Variants in AP3D1 observed in about 807,000 individuals in gnomAD.
AP3D1 encodes adaptor related protein complex 3 subunit delta 1.
A neutral mutation model predicts 147.6 loss-of-function variants in AP3D1; 51 were observed. The ratio of observed to expected loss-of-function variants is 0.35; its 90% CI spans 0.28 to 0.44. The LOEUF (loss-of-function observed/expected upper bound fraction) is 0.44, where lower values mean the gene tolerates loss of function less well. Among genes scored for constraint, AP3D1 ranks in the 20% least tolerant of loss-of-function variants. AP3D1 has a pLI of 1.00. For missense variants in AP3D1, 1,421 were observed against 1,624.2 expected, an observed-to-expected ratio of 0.87 and a Z score of 2.15; for synonymous variants, 760 against 663.0, an observed-to-expected ratio of 1.15 and a Z score of -2.25.
Position 2,120,876 on chromosome 19 carries a change from G to A in AP3D1, c.1467C>T (p.Cys489=), listed in dbSNP as rs1421947129. The change falls in exon 14 of 32, where the codon TGC becomes TGT. Residue 489 remains cysteine (C), a synonymous_variant. Coordinates refer to ENST00000643116, the MANE Select transcript of AP3D1 (RefSeq NM_001261826.3). The part of the protein sequence containing the change: ...CEVLYAAAWI[C]GEFSEHLQEP... ...CGCCCACTCACTCTGAGAACTCCCC[G>A]CAGATCCAGGCGGCAGCGTACAGCA... 6.2e-7 allele frequency: 1 copy of A among 1,608,868 alleles called. No individual in the cohort carries two copies. Among genetic ancestry groups the A allele is most frequent in the Non-Finnish European group, 8.5e-7 (1 of 1,179,562 alleles).
chr19:2,150,612 G>A (rs372610191), intron 1 of AP3D1, among the ~76,000 whole-genome samples: 1 of 152,146 alleles, frequency 6.6e-6, no homozygotes, highest in African/African-American at 2.4e-5. Flanking sequence ...TCCTGGGAAC[G>A]GGGGCACTGG....
rs772314249 is a variant in AP3D1 at position 2,111,246 on chromosome 19, G to A, written c.2985+39C>T. 5.0e-6 allele frequency: 8 copies of A among 1,612,304 alleles called. No homozygotes were observed. The African/African-American group carries it at 9.3e-5, about 19-fold the overall frequency. Reference sequence around the variant, plus strand: ...GCGCGATCCCATGCCAAAGAGTGTGGGCTGGCCCACCCTGCCCCTGGGAGC... The same window carrying A: ...GCGCGATCCCATGCCAAAGAGTGTGAGCTGGCCCACCCTGCCCCTGGGAGC... On this transcript the variant is annotated intron_variant, in intron 26 of 31. Transcript: ENST00000643116.
chr19:2,155,206 A>C (rs1185532674), upstream of AP3D1, among the ~76,000 whole-genome samples: 1 of 151,184 alleles, frequency 6.6e-6, no homozygotes, highest in Non-Finnish European at 1.5e-5. Flanking sequence ...AAATAAAAAA[A>C]CAAAATTAGC....
At chr19:2,105,551 T>C (rs576769776) in intron 31 of AP3D1, among the ~76,000 whole-genome samples, 17 of 152,334 alleles carry the variant, frequency 1.1e-4, no homozygotes, top group African/African-American at 2.4e-4. Flanking sequence ...TTAATATCTA[T>C]AGAAACAATG....
rs1358968476 is a variant in AP3D1 at position 2,132,563 on chromosome 19, T to C, written c.370A>G (p.Ser124Gly). 1.9e-6 allele frequency: 3 copies of C among 1,605,974 alleles called. No individual in the cohort carries two copies. The Admixed American group carries it at 5.0e-5, about 27-fold the overall frequency. The change falls in exon 5 of 32, where the codon AGC becomes GGC. Residue 124 changes from serine (S) to glycine (G), a missense_variant. This residue lies in a region of AP3D1 where 292 missense variants were observed against 412.0 expected (regional missense o/e 0.71). Coordinates refer to ENST00000643116, the MANE Select transcript of AP3D1 (RefSeq NM_001261826.3). ...NQIRKDLSSP[S>G]QYDTGVALTG... ...AGTGCAACACCTGTGTCGTACTGGC[T>C]GGGGCTGCTCAAGTCCTGGAAAGTG...
chr19:2,109,751 C>G, intron 29 of AP3D1, 122 bp downstream of exon 29: 1 of 937,120 alleles, frequency 1.1e-6, no homozygotes, highest in Non-Finnish European at 1.7e-6. Flanking sequence ...CACGAGCCAG[C>G]GCCTCCAAAT....
chr19:2,121,958 C>A, intron 11 of AP3D1, 79 bp from the exon 12 acceptor site: 1 of 1,481,682 alleles, frequency 6.7e-7, no homozygotes, highest in Non-Finnish European at 9.0e-7. Flanking sequence ...GCTCTCCGGG[C>A]CGGGTCTCCA....
chr19:2,102,772 T>C (rs979687962), intron 31 of AP3D1, among the ~76,000 whole-genome samples: 13 of 113,992 alleles, frequency 1.1e-4, no homozygotes, highest in African/African-American at 4.2e-4. Flanking sequence ...AATAAATAAA[T>C]AAATAAATAA....
chr19:2,121,977 G>T, intron 11 of AP3D1, 98 bp from the exon 12 acceptor site: 1 of 1,417,240 alleles, frequency 7.1e-7, no homozygotes, highest in Non-Finnish European at 9.4e-7. Context: ...CACCTCGGGA[G>T]GCTGCCTGGC....
chr19:2,132,672 A>G, intron 4 of AP3D1, 94 bp from the exon 5 acceptor site: 1 of 999,148 alleles, frequency 1.0e-6, no homozygotes. Context: ...AAATTCTCCC[A>G]GGATGCCCCA....
At chr19:2,114,066 G>A in intron 22 of AP3D1, 59 bp downstream of exon 22, 2 of 1,520,516 alleles carry the variant, frequency 1.3e-6, no homozygotes, top group South Asian at 1.3e-5. Context: ...GCTGTCTCCT[G>A]GGAGTTCACG....
In AP3D1 at chr19:2,115,602, G is replaced by A; in HGVS notation, c.2085C>T (p.Asp695=). The A allele has an allele frequency of 6.2e-7, 1 of 1,612,588 alleles. No individual in the cohort carries two copies. Among genetic ancestry groups the A allele is most frequent in the African/African-American group, 1.3e-5 (1 of 75,044 alleles). The change falls in exon 19 of 32, where the codon GAC becomes GAT. Residue 695 remains aspartate (D), a synonymous_variant. Coordinates refer to ENST00000643116, the MANE Select transcript of AP3D1 (RefSeq NM_001261826.3). ...CGGGAATGTGCTCCACGCCCGGGGT[G>A]TCCTGGTACCGCTGCAAAGGCAACA... ...SSPSPQKRYQ[D]TPGVEHIPVV...
At chr19:2,134,921 T>C (rs879342530) in intron 4 of AP3D1, among the ~76,000 whole-genome samples, 5 of 151,024 alleles carry the variant, frequency 3.3e-5, no homozygotes, top group Admixed American at 3.3e-4. Context: ...TTTTTTTTAT[T>C]AAAAAACAAG....
chr19:2,126,686 A>G lies in AP3D1; in HGVS notation c.856+466T>C, dbSNP rs182334612. On this transcript the variant is annotated intron_variant, in intron 9 of 31. Coordinates refer to ENST00000643116, the MANE Select transcript of AP3D1 (RefSeq NM_001261826.3). ...AAAAAAAAAAAGAAAGAAAAAGAAAATATTTTTGTGGTAGATGCTGCTATT... is the reference window on the plus strand; with the variant it reads ...AAAAAAAAAAAGAAAGAAAAAGAAAGTATTTTTGTGGTAGATGCTGCTATT... Among the ~76,000 whole-genome samples, 744 of 151,794 alleles carry G rather than the reference A, an allele frequency of 4.9e-3. 5 individuals are homozygous for G. Among genetic ancestry groups the G allele is most frequent in the Non-Finnish European group, 7.7e-3 (521 of 67,874 alleles).
At chr19:2,156,052 C>CAAAAAAA (rs66864687), upstream of AP3D1, among the ~76,000 whole-genome samples, 1 of 115,076 alleles carries the variant, frequency 8.7e-6, no homozygotes, top group Non-Finnish European at 1.8e-5. Flanking sequence ...GACTCCGTCT[C>CAAAAAAA]AAAAAAAAAA....
intron 1 of AP3D1, among the ~76,000 whole-genome samples, 160 bp downstream of exon 1, chr19:2,151,079 C>A (rs1465113371): frequency 6.6e-6 from 1 of 152,224 alleles, no homozygotes; most frequent in African/African-American, 2.4e-5. Flanking sequence ...AGGTGGGCGG[C>A]GCCCCAGGCC....
rs989815041 is a variant in AP3D1, at chr19:2,129,472, G to A, written c.593-15C>T. 6 of 1,611,086 alleles carry A rather than the reference G, an allele frequency of 3.7e-6. No individual in the cohort carries two copies. The Admixed American group carries it at 5.0e-5, about 14-fold the overall frequency. ...CGACTGAACCCCTGGGGAACAAGGG[G>A]TTCTCATCAGCATGCCTGTCCTTCC... On this transcript the variant is annotated splice_polypyrimidine_tract_variant and intron_variant, in intron 6 of 31. Transcript: ENST00000643116.
intron 31 of AP3D1, among the ~76,000 whole-genome samples, chr19:2,106,624 T>C (rs934549765): frequency 3.9e-5 from 6 of 152,206 alleles, no homozygotes; most frequent in African/African-American, 9.6e-5. Context: ...ACAATGTTGA[T>C]AGCAGCACAA....
chr19:2,137,169 C>T, intron 3 of AP3D1, 78 bp from the exon 4 acceptor site: 1 of 1,301,646 alleles, frequency 7.7e-7, no homozygotes. Context: ...CTGCAGCGAC[C>T]ACACCAGGCA....
Sources: allele counts gnomAD v4.1 joint callset (sites outside exome capture counted in the v4.1 genomes callset), GRCh38; gene constraint gnomAD v4.1.1; regional missense constraint gnomAD v4.1.1; transcripts MANE v1.5; gene names NCBI Gene and HGNC (gene_info 2026-07-23, HGNC 2026-07-21).